Variants in SATB1 observed in about 807,000 individuals in gnomAD.
The protein encoded by SATB1 is SATB homeobox 1.
In SATB1, 11 loss-of-function variants were observed where a neutral mutation model predicts 86.9. That is an observed-to-expected ratio of 0.13 (90% CI 0.08 to 0.21). SATB1 has a LOEUF of 0.21. Among genes scored for constraint, SATB1 ranks in the 10% least tolerant of loss-of-function variants. SATB1 has a pLI of 1.00. For missense variants in SATB1, 551 were observed against 937.6 expected, an observed-to-expected ratio of 0.59 and a Z score of 5.39; for synonymous variants, 357 against 357.2, an observed-to-expected ratio of 1.00 and a Z score of 0.01.
intron 5 of SATB1, among the ~76,000 whole-genome samples, chr3:18,397,993 T>A (rs760588450): frequency 6.6e-6 from 1 of 152,194 alleles, no homozygotes; most frequent in African/African-American, 2.4e-5. Context: ...ATTACTGGCT[T>A]CATCAATAGT....
In SATB1 at chr3:18,377,613, C is replaced by A. The variant is rs2125186819; in HGVS notation, c.1575+557G>T. 2.0e-5 allele frequency among the ~76,000 whole-genome samples: 3 copies of A among 152,182 alleles called. No homozygotes were observed. The Middle Eastern group carries it at 0.01, about 518-fold the overall frequency. On this transcript the variant is annotated intron_variant, in intron 9 of 10. Transcript: ENST00000338745. ...GTAATCAATCTGTGTGTCTTGCATA[C>A]TCTACAGAAAAATTAAAATCATTAA...
At chr3:18,351,883 TAA>T in intron 10 of SATB1, 107 bp downstream of exon 10, 1 of 1,016,084 alleles carries the variant, frequency 9.8e-7, no homozygotes, top group Non-Finnish European at 1.5e-6. Flanking sequence ...TATCTCTTGC[TAA>T]AAAGCCTATG....
intron 8 of SATB1, 28 bp from the exon 9 acceptor site, chr3:18,378,353 A>G: frequency 6.2e-7 from 1 of 1,607,100 alleles, no homozygotes; most frequent in Non-Finnish European, 8.5e-7. Context: ...CATGGCTGTC[A>G]TTTTTCATTG....
intron 9 of SATB1, among the ~76,000 whole-genome samples, chr3:18,366,111 G>T (rs1038661083): frequency 1.3e-5 from 2 of 152,142 alleles, no homozygotes; most frequent in African/African-American, 4.8e-5. Flanking sequence ...TAACACCCAT[G>T]ACAAGCAGCA....
At chr3:18,390,010 G>C (rs932255816) in intron 7 of SATB1, among the ~76,000 whole-genome samples, 2 of 152,050 alleles carry the variant, frequency 1.3e-5, no homozygotes, top group Non-Finnish European at 2.9e-5. Context: ...ATTTACTGCT[G>C]AATTCCTAAA....
chr3:18,376,696 A>G (rs1193847058), intron 9 of SATB1, among the ~76,000 whole-genome samples: 1 of 152,118 alleles, frequency 6.6e-6, no homozygotes, highest in East Asian at 1.9e-4. Context: ...TCATAATTAG[A>G]AACATTTCAA....
At chr3:18,366,237 G>A (rs1695177507) in intron 9 of SATB1, among the ~76,000 whole-genome samples, 1 of 149,302 alleles carries the variant, frequency 6.7e-6, no homozygotes, top group Non-Finnish European at 1.5e-5. Flanking sequence ...TGCAAAAATG[G>A]ATTTCAAGGT....
chr3:18,367,302 A>G (rs1258610183), intron 9 of SATB1, among the ~76,000 whole-genome samples: 1 of 152,234 alleles, frequency 6.6e-6, no homozygotes, highest in Non-Finnish European at 1.5e-5. Context: ...AGCTTAGGCT[A>G]CACTGCAAAT....
intron 9 of SATB1, among the ~76,000 whole-genome samples, chr3:18,368,751 A>T (rs928564982): frequency 2.0e-5 from 3 of 152,184 alleles, no homozygotes; most frequent in East Asian, 3.8e-4. Flanking sequence ...TGGAGTTAAA[A>T]GATATTTAAG....
At chr3:18,407,765 T>C (rs868414204) in intron 5 of SATB1, among the ~76,000 whole-genome samples, 2 of 152,072 alleles carry the variant, frequency 1.3e-5, no homozygotes, top group African/African-American at 4.8e-5. Flanking sequence ...ATGAAGTTGC[T>C]GAAGAAATGC....
chr3:18,373,854 T>G (rs908642779), intron 9 of SATB1, among the ~76,000 whole-genome samples: 6 of 152,142 alleles, frequency 3.9e-5, no homozygotes, highest in African/African-American at 1.2e-4. Context: ...TTTTTTGTAT[T>G]AAAAACATAC....
intron 10 of SATB1, chr3:18,351,201 G>A (rs1466588183): frequency 3.6e-6 from 3 of 843,134 alleles, no homozygotes; most frequent in African/African-American, 3.3e-5. Context: ...CTCTGCCCAA[G>A]ACCATGGTTA....
At chr3:18,416,222 C>T in intron 3 of SATB1, 89 bp from the exon 4 acceptor site, 1 of 993,540 alleles carries the variant, frequency 1.0e-6, no homozygotes, top group Non-Finnish European at 1.4e-6. Flanking sequence ...TTCTACTACC[C>T]CTACCACAAG....
chr3:18,439,012 T>A (rs1464568611), upstream of SATB1, among the ~76,000 whole-genome samples: 1 of 152,164 alleles, frequency 6.6e-6, no homozygotes, highest in Non-Finnish European at 1.5e-5. Flanking sequence ...AGGAGTGTAA[T>A]AAAATATTGC....
chr3:18,355,944 A>G (rs1327178644), intron 9 of SATB1, among the ~76,000 whole-genome samples: 1 of 152,072 alleles, frequency 6.6e-6, no homozygotes, highest in East Asian at 1.9e-4. Context: ...CAGTAGCCAC[A>G]TGTAAATAAA....
At chr3:18,435,575 T>C (rs777718227) in intron 2 of SATB1, among the ~76,000 whole-genome samples, 13 of 152,156 alleles carry the variant, frequency 8.5e-5, no homozygotes, top group African/African-American at 1.2e-4. Flanking sequence ...AAAAAAGGTA[T>C]GTCTACCTTA....
upstream of SATB1, among the ~76,000 whole-genome samples, chr3:18,439,272 T>C (rs933372192): frequency 6.6e-6 from 1 of 152,208 alleles, no homozygotes; most frequent in African/African-American, 2.4e-5. Flanking sequence ...GAATTTCGCT[T>C]CTGAACTTTC....
Position 18,444,517 on chromosome 3 carries a change from A to G in SATB1, c.-25+1001T>C, listed in dbSNP as rs1048488382. 1.1e-6 allele frequency: 1 copy of G among 922,898 alleles called. No individual in the cohort carries two copies. The highest frequency in any genetic ancestry group is 1.3e-6 in the Non-Finnish European group (1 of 772,942). The allele number at this position is 922,898 out of a possible 1,614,324, so 57.2% of individuals were successfully genotyped here. A position where few individuals can be genotyped will look rare whatever the true frequency, so the allele number is the denominator to read the frequency against. Reference sequence around the variant, plus strand: ...AGGGGACGAGGAGTGGGTGCTACGGAGAAGTTTGGATTGATTCCGGAAAAA... The same window carrying G: ...AGGGGACGAGGAGTGGGTGCTACGGGGAAGTTTGGATTGATTCCGGAAAAA... On this transcript the variant is annotated intron_variant, in intron 1 of 3. Coordinates refer to the SATB1 transcript ENST00000415069. This position sits in a 1 kb window ranked among gnomAD's most constrained non-coding sequence, Gnocchi z 5.1.
At chr3:18,411,832 T>C (rs1355780756) in intron 5 of SATB1, among the ~76,000 whole-genome samples, 1 of 152,090 alleles carries the variant, frequency 6.6e-6, no homozygotes, top group African/African-American at 2.4e-5. Flanking sequence ...TCAATCGATT[T>C]GGGCAGATTT....
Sources: allele counts gnomAD v4.1 joint callset (sites outside exome capture counted in the v4.1 genomes callset), GRCh38; gene constraint gnomAD v4.1.1; non-coding constraint Gnocchi (gnomAD v3.1); transcripts MANE v1.5; gene names NCBI Gene and HGNC (gene_info 2026-07-23, HGNC 2026-07-21).